BAZ2A: variants seen among roughly 807,000 people sequenced by gnomAD.
The protein encoded by BAZ2A is bromodomain adjacent to zinc finger domain protein 2A.
In BAZ2A, 34 loss-of-function variants were observed where a neutral mutation model predicts 199.9. The ratio of observed to expected loss-of-function variants is 0.17; its 90% CI spans 0.13 to 0.23. The LOEUF is 0.23. Among genes scored for constraint, BAZ2A ranks in the 10% least tolerant of loss-of-function variants. The pLI is 1.00. For missense variants in BAZ2A, 2,002 were observed against 2,391.1 expected (o/e 0.84, Z 3.39); for synonymous variants, 857 against 883.9 (o/e 0.97, Z 0.54).
chr12:56,628,313 C>T (rs1354082315), intron 1 of BAZ2A, among the ~76,000 whole-genome samples: 3 of 151,096 alleles, frequency 2.0e-5, no homozygotes, highest in Non-Finnish European at 4.4e-5. Context: ...GGACATAGCA[C>T]ACAGTCCATC....
intron 2 of BAZ2A, among the ~76,000 whole-genome samples, chr12:56,616,857 C>T (rs1448353336): frequency 6.6e-6 from 1 of 152,078 alleles, no homozygotes; most frequent in Non-Finnish European, 1.5e-5. Flanking sequence ...AGGAAAAGAC[C>T]CAATCCTGGC....
chr12:56,611,564 A>G lies in BAZ2A; in HGVS notation c.1670+9T>C. 1 of 1,610,020 alleles carries G rather than the reference A, an allele frequency of 6.2e-7. No individual in the cohort carries two copies. The highest frequency in any genetic ancestry group is 1.7e-5 in the Admixed American group (1 of 59,982). On this transcript the variant is annotated intron_variant, in intron 7 of 28. Coordinates refer to ENST00000549884, the MANE Select transcript of BAZ2A (RefSeq NM_001300905.2). The stretch of plus-strand genomic sequence containing the variant: ...AAGGTCAATAAATGTAGCAAACTAG[A>G]GCATTTACCCATGTTGGAGGGGAAG...
intron 1 of BAZ2A, among the ~76,000 whole-genome samples, chr12:56,622,327 A>C (rs911793447): frequency 6.6e-6 from 1 of 152,032 alleles, no homozygotes; most frequent in Non-Finnish European, 1.5e-5. Flanking sequence ...GTGACAGAGC[A>C]ACACTCTATC....
At chr12:56,604,840 T>C (rs1276355800) in intron 14 of BAZ2A, 41 bp from the exon 15 acceptor site, 5 of 1,589,134 alleles carry the variant, frequency 3.1e-6, no homozygotes, top group African/African-American at 1.3e-5. Context: ...TAGGGAAAGA[T>C]GCACAACCAA....
Position 56,599,268 on chromosome 12 carries a change from C to T in BAZ2A, c.5263G>A (p.Asp1755Asn). 6.2e-7 allele frequency: 1 copy of T among 1,613,486 alleles called. No homozygotes were observed. The highest frequency in any genetic ancestry group is 1.7e-4 in the Middle Eastern group (1 of 6,060). The change falls in exon 27 of 29, where the codon GAT becomes AAT. Residue 1755 changes from aspartate (D) to asparagine (N), a missense_variant. Coordinates refer to ENST00000549884, the MANE Select transcript of BAZ2A (RefSeq NM_001300905.2). Reference sequence around the variant, plus strand: ...AACAGTACCCGGCGTCGGCGGCCATCACCCTCTGAGAAGTTCAGCGAATAA... The same window carrying T: ...AACAGTACCCGGCGTCGGCGGCCATTACCCTCTGAGAAGTTCAGCGAATAA... Reference protein sequence around the residue: ...SGYSLNFSEGDGRRRRVLLRG... With the variant: ...SGYSLNFSEGNGRRRRVLLRG...
chr12:56,606,681 C>G lies in BAZ2A; in HGVS notation c.2145G>C (p.Met715Ile). ...KAKIAKSKKKMRQKVQRGECQ... is the reference protein window; with the variant it reads ...KAKIAKSKKKIRQKVQRGECQ... ...ACTCTCCCCGTTGAACCTTCTGCCT[C>G]ATCTTCTTCTTGCTTTTAGCAATCT... is the stretch of plus-strand genomic sequence containing the variant. The change falls in exon 11 of 29, where the codon ATG becomes ATC. Residue 715 changes from methionine to isoleucine, a missense_variant. By Grantham distance (10) the Met-to-Ile change is conservative (BLOSUM62 1). Transcript: ENST00000549884. 1 of 1,613,930 alleles carries G rather than the reference C, an allele frequency of 6.2e-7. No individual in the cohort carries two copies. The highest frequency in any genetic ancestry group is 8.5e-7 in the Non-Finnish European group (1 of 1,179,886).
In BAZ2A at chr12:56,603,626, C is replaced by T. The variant is rs753771866; in HGVS notation, c.3113G>A (p.Arg1038Gln). 8 of 1,614,042 alleles carry T rather than the reference C, an allele frequency of 5.0e-6. No individual in the cohort carries two copies. The highest frequency in any genetic ancestry group is 6.8e-6 in the Non-Finnish European group (8 of 1,179,890). Residue 1038 changes from arginine (R) to glutamine (Q), a missense_variant, in exon 17 of 29, where the codon CGG (arginine) becomes CAG (glutamine). Physicochemically the swap from Arg to Gln is conservative, Grantham distance 43. Around this residue, in one of 6 missense-constraint regions of BAZ2A, gnomAD observed 1,081 missense variants for 1,274.7 expected, o/e 0.85. Transcript: ENST00000549884. Reference protein sequence around the residue: ...EMEGPEECLGRRRSSRIMEET... With the variant: ...EMEGPEECLGQRRSSRIMEET... The stretch of plus-strand genomic sequence containing the variant: ...CTCCATGATCCGAGAACTGCGCCTC[C>T]GTCCCAGGCATTCCTCTGGCCCTTC...
chr12:56,608,158 G>A (rs1315261076), intron 10 of BAZ2A, among the ~76,000 whole-genome samples: 1 of 151,894 alleles, frequency 6.6e-6, no homozygotes, highest in African/African-American at 2.4e-5. Context: ...GGATCACGAG[G>A]TCAGGAGATC....
At chr12:56,624,930 AT>A (rs1262083409) in intron 1 of BAZ2A, among the ~76,000 whole-genome samples, 6 of 152,156 alleles carry the variant, frequency 3.9e-5, no homozygotes, top group Admixed American at 2.6e-4. Context: ...CTCTGAATTA[AT>A]AAAACATTCT....
intron 10 of BAZ2A, 126 bp from the exon 11 acceptor site, chr12:56,606,859 T>C: frequency 1.4e-6 from 1 of 717,414 alleles, no homozygotes; most frequent in South Asian, 1.7e-5. Context: ...AGAGTAGCTT[T>C]TTTTTTTTTT....
rs1885779825 is a variant in BAZ2A, at chr12:56,596,039, T to TTTTC, written c.*2575_*2578dup. The TTTTC allele has an allele frequency of 6.6e-6, 1 of 152,624 alleles. No homozygotes were observed. The highest frequency in any genetic ancestry group is 1.5e-5 in the Non-Finnish European group (1 of 67,996). 9.5% of individuals were successfully genotyped at this position (152,624 alleles called of 1,614,324 possible). A position where few individuals can be genotyped will look rare whatever the true frequency, so the allele number is the denominator to read the frequency against. Reference sequence around the variant, plus strand: ...CAGGAGTTTTTTCGCTAGACTTTTTTTTTCTTTTTAACCTTATTAAAAATG... The same window carrying TTTTC: ...CAGGAGTTTTTTCGCTAGACTTTTTTTTTCTTTCTTTTTAACCTTATTAAAAATG... On this transcript the variant is annotated 3_prime_UTR_variant, in exon 29 of 29. Coordinates refer to ENST00000549884, the MANE Select transcript of BAZ2A (RefSeq NM_001300905.2).
Position 56,596,260 on chromosome 12 carries a change from G to C in BAZ2A, c.*2358C>G. 6.5e-6 allele frequency: 1 copy of C among 152,730 alleles called. No individual in the cohort carries two copies. The highest frequency in any genetic ancestry group is 1.5e-5 in the Non-Finnish European group (1 of 68,066). 9.5% of individuals were successfully genotyped at this position (152,730 alleles called of 1,614,324 possible). A position where few individuals can be genotyped will look rare whatever the true frequency, so the allele number is the denominator to read the frequency against. ...CTGATGGGAGGGAAGCAAAAGGGCAGGGGGTGGGTTGTCTTTTTATTTTAA... is the reference window on the plus strand; with the variant it reads ...CTGATGGGAGGGAAGCAAAAGGGCACGGGGTGGGTTGTCTTTTTATTTTAA... On this transcript the variant is annotated 3_prime_UTR_variant, in exon 29 of 29. Coordinates refer to ENST00000549884, the MANE Select transcript of BAZ2A (RefSeq NM_001300905.2).
intron 7 of BAZ2A, 32 bp downstream of exon 7, chr12:56,611,541 G>A: frequency 6.3e-7 from 1 of 1,593,968 alleles, no homozygotes; most frequent in Admixed American, 1.7e-5. Context: ...AACTTGTCAA[G>A]GTCAATAAAT....
In BAZ2A at chr12:56,598,027, TGA is replaced by T. The variant is rs1886005376; in HGVS notation, c.*589_*590del. The T allele has an allele frequency of 6.9e-6, 1 of 145,748 alleles. No homozygotes were observed. The highest frequency in any genetic ancestry group is 1.5e-5 in the Non-Finnish European group (1 of 67,054). 9.0% of individuals were successfully genotyped at this position (145,748 alleles called of 1,614,324 possible). ...TACACGATAGTTTTACATTATTGGA[TGA>T]GAGAAAATCTGAAAACTGGGGGGTG... is the stretch of plus-strand genomic sequence containing the variant. On this transcript the variant is annotated 3_prime_UTR_variant, in exon 29 of 29. Transcript: ENST00000549884.
chr12:56,612,920 C>G, intron 5 of BAZ2A, 95 bp downstream of exon 5: 1 of 1,382,444 alleles, frequency 7.2e-7, no homozygotes, highest in Non-Finnish European at 1.0e-6. Context: ...CTGCGCCCAG[C>G]CAGATTTCCC....
intron 26 of BAZ2A, 106 bp downstream of exon 26, chr12:56,599,596 C>T (rs1592549421): frequency 6.7e-7 from 1 of 1,503,632 alleles, no homozygotes; most frequent in Non-Finnish European, 8.9e-7. Flanking sequence ...GACTTAGAAC[C>T]CAGGTCCCCT....
chr12:56,610,584 G>A lies in BAZ2A; in HGVS notation c.1671-67C>T, dbSNP rs779052811. 1.8e-5 allele frequency: 26 copies of A among 1,448,984 alleles called. No homozygotes were observed. The East Asian group carries it at 4.9e-4, about 27-fold the overall frequency. The allele number at this position is 1,448,984 out of a possible 1,614,324, so 89.8% of individuals were successfully genotyped here. Reference sequence around the variant, plus strand: ...CTACCCACTCCCATGCCACCTAAGCGCGAAGCCCTCTGAGCAGATGGCCCT... The same window carrying A: ...CTACCCACTCCCATGCCACCTAAGCACGAAGCCCTCTGAGCAGATGGCCCT... On this transcript the variant is annotated intron_variant, in intron 7 of 28. Transcript: ENST00000549884.
At chr12:56,607,293 T>C (rs1950392477) in intron 10 of BAZ2A, among the ~76,000 whole-genome samples, 1 of 152,220 alleles carries the variant, frequency 6.6e-6, no homozygotes, top group East Asian at 1.9e-4. Flanking sequence ...CTGAATTTCT[T>C]CCTTTCGGGA....
chr12:56,601,108 G>A lies in BAZ2A; in HGVS notation c.4295-10C>T. 2.5e-6 allele frequency: 4 copies of A among 1,613,728 alleles called. No individual in the cohort carries two copies. The highest frequency in any genetic ancestry group is 3.4e-6 in the Non-Finnish European group (4 of 1,179,760). Reference sequence around the variant, plus strand: ...CAGCCTGAGCACATCTCTGTGAGCAGATGAGATATATGTGGGGCGCCAGCT... The same window carrying A: ...CAGCCTGAGCACATCTCTGTGAGCAAATGAGATATATGTGGGGCGCCAGCT... On this transcript the variant is annotated splice_polypyrimidine_tract_variant and intron_variant, in intron 21 of 28. Transcript: ENST00000549884.
Sources: allele counts gnomAD v4.1 joint callset (sites outside exome capture counted in the v4.1 genomes callset), GRCh38; gene constraint gnomAD v4.1.1; regional missense constraint gnomAD v4.1.1; transcripts MANE v1.5; gene names NCBI Gene and HGNC (gene_info 2026-07-23, HGNC 2026-07-21).